Variants in LVRN observed in about 807,000 individuals in gnomAD.
LVRN encodes laeverin.
In LVRN, 99 loss-of-function variants were observed where a neutral mutation model predicts 111.4. The ratio of observed to expected loss-of-function variants is 0.89; its 90% CI spans 0.76 to 1.05. The LOEUF (loss-of-function observed/expected upper bound fraction) is 1.05. Among genes scored for constraint, LVRN ranks in the 50% least tolerant of loss-of-function variants. LVRN has a pLI of 0.00. For missense variants in LVRN, 1,414 were observed against 1,206.8 expected (o/e 1.17, Z -2.54); for synonymous variants, 488 against 449.5 (o/e 1.09, Z -1.08).
At position 115,983,294 on chromosome 5, in the gene LVRN, TTA is replaced by T; in HGVS notation, c.704_705del (p.Leu235CysfsTer17). 1 of 1,587,830 alleles carries T rather than the reference TTA, an allele frequency of 6.3e-7. No individual in the cohort carries two copies. ...CCCCAAAATGTATTTCAGGGCCCTG[TTA>T]GCGTCCCAGCTGGAACCAACATTTG... ...YTDQGERRAL[L>X]ASQLEPTFAR... On this transcript the variant is annotated frameshift_variant, in exon 2 of 20. Transcript: ENST00000357872. LOFTEE classifies it high-confidence loss of function.
intron 1 of LVRN, among the ~76,000 whole-genome samples, chr5:115,980,988 T>C (rs908492700): frequency 3.9e-5 from 6 of 152,136 alleles, no homozygotes; most frequent in Non-Finnish European, 7.4e-5. Flanking sequence ...CTACATTTCA[T>C]AGAAAATTTA....
chr5:116,021,469 T>C, intron 18 of LVRN: 1 of 172,984 alleles, frequency 5.8e-6, no homozygotes. Context: ...AGAGTTATAT[T>C]GTCCTTCACG....
At chr5:115,992,494 C>G (rs145831941) in intron 5 of LVRN, among the ~76,000 whole-genome samples, 4 of 152,250 alleles carry the variant, frequency 2.6e-5, no homozygotes, top group African/African-American at 4.8e-5. Flanking sequence ...TACAGTTTGG[C>G]TGAGGGCTGG....
chr5:115,980,508 G>A (rs993201410), intron 1 of LVRN, among the ~76,000 whole-genome samples: 1 of 152,136 alleles, frequency 6.6e-6, no homozygotes, highest in Non-Finnish European at 1.5e-5. Flanking sequence ...CTTGCTTGAT[G>A]TTTGATTTGC....
At chr5:116,016,514 T>C (rs2112636495) in intron 18 of LVRN, among the ~76,000 whole-genome samples, 1 of 152,348 alleles carries the variant, frequency 6.6e-6, no homozygotes, top group African/African-American at 2.4e-5. Context: ...ACTTAGTTTT[T>C]CTGACGCACA....
chr5:115,976,125 G>A (rs561128856), intron 1 of LVRN: 2 of 152,142 alleles, frequency 1.3e-5, no homozygotes, highest in Admixed American at 1.3e-4. Flanking sequence ...ACAGCCTCCG[G>A]GGTTTAGAGG....
intron 13 of LVRN, among the ~76,000 whole-genome samples, chr5:116,009,460 A>G (rs1748443308): frequency 6.6e-6 from 1 of 152,202 alleles, no homozygotes; most frequent in Non-Finnish European, 1.5e-5. Context: ...TTGTAAGGCT[A>G]TAGCTTCCAT....
intron 13 of LVRN, among the ~76,000 whole-genome samples, chr5:116,006,599 C>T (rs1748379917): frequency 1.3e-5 from 2 of 152,136 alleles, no homozygotes; most frequent in South Asian, 4.1e-4. Flanking sequence ...ATATGCAAAC[C>T]TGGTTCTCCT....
intron 18 of LVRN, among the ~76,000 whole-genome samples, chr5:116,020,674 A>G (rs1748708004): frequency 6.6e-6 from 1 of 152,218 alleles, no homozygotes; most frequent in Admixed American, 6.5e-5. Flanking sequence ...GGAGGGTCCA[A>G]GCACTGGGGG....
Position 116,026,272 on chromosome 5 carries a change from T to C in LVRN, c.*154T>C. ...GAGTGCCATTCTTCTCATATTGTCA[T>C]GTTTGGCCCTGAGGGTGGGTGATTG... On this transcript the variant is annotated 3_prime_UTR_variant, in exon 20 of 20. Transcript: ENST00000357872. 1.7e-6 allele frequency: 2 copies of C among 1,181,538 alleles called. No homozygotes were observed. The highest frequency in any genetic ancestry group is 2.7e-5 in the Admixed American group (1 of 37,052). 73.2% of individuals were successfully genotyped at this position (1,181,538 alleles called of 1,614,324 possible). A position where few individuals can be genotyped will look rare whatever the true frequency, so the allele number is the denominator to read the frequency against.
intron 4 of LVRN, 91 bp from the exon 5 acceptor site, chr5:115,992,032 G>C: frequency 8.1e-7 from 1 of 1,238,810 alleles, no homozygotes. Context: ...TGAATTTTTT[G>C]GTAATTTTAT....
intron 6 of LVRN, 148 bp downstream of exon 6, chr5:115,994,002 A>T (rs1465625697): frequency 1.4e-5 from 7 of 494,044 alleles, no homozygotes; most frequent in Middle Eastern, 5.5e-4. Context: ...TAGCTTTTTG[A>T]TATTTTTTTT....
At chr5:116,014,352 T>A in intron 15 of LVRN, 68 bp from the exon 16 acceptor site, 1 of 1,085,154 alleles carries the variant, frequency 9.2e-7, no homozygotes, top group Non-Finnish European at 1.4e-6. Context: ...AAACACATAT[T>A]CTTGGAGGCA....
intron 1 of LVRN, among the ~76,000 whole-genome samples, chr5:115,965,767 C>T (rs747353035): frequency 6.6e-6 from 1 of 152,042 alleles, no homozygotes; most frequent in Non-Finnish European, 1.5e-5. Context: ...GTCTTGCTGC[C>T]CTGTGAAGAA....
intron 19 of LVRN, among the ~76,000 whole-genome samples, chr5:116,024,542 A>G (rs1440577069): frequency 1.3e-5 from 2 of 152,214 alleles, no homozygotes; most frequent in African/African-American, 4.8e-5. Context: ...CAAGGGAAAG[A>G]AAAGCACATT....
chr5:116,001,125 G>A lies in LVRN; in HGVS notation c.1706G>A (p.Ser569Asn). The change falls in exon 10 of 20, where the codon AGT (serine) becomes AAT (asparagine). Residue 569 changes from serine (S) to asparagine (N), a missense_variant. Physicochemically the swap from Ser to Asn is conservative, Grantham distance 46. Transcript: ENST00000357872. ...LPATIKNIMD[S>N]WTHQSGFPVI... ...GCAACAATAAAAAACATAATGGACA[G>A]TTGGACACACCAGAGTGGTTTTCCA... 2 of 1,613,662 alleles carry A rather than the reference G, an allele frequency of 1.2e-6. No individual in the cohort carries two copies. The highest frequency in any genetic ancestry group is 2.2e-5 in the South Asian group (2 of 90,968).
chr5:115,983,611 G>A (rs532892472), intron 2 of LVRN, among the ~76,000 whole-genome samples, 182 bp downstream of exon 2: 19 of 152,300 alleles, frequency 1.2e-4, no homozygotes, highest in African/African-American at 4.1e-4. Flanking sequence ...GGTAAATCCT[G>A]ATTCCTTTGG....
intron 1 of LVRN, among the ~76,000 whole-genome samples, chr5:115,965,365 G>A (rs1253814600): frequency 1.3e-5 from 2 of 152,138 alleles, no homozygotes; most frequent in Non-Finnish European, 1.5e-5. Context: ...GAGATAGGTT[G>A]ACAACAATGT....
intron 15 of LVRN, among the ~76,000 whole-genome samples, chr5:116,013,582 T>C (rs180793239): frequency 6.6e-6 from 1 of 152,170 alleles, no homozygotes; most frequent in African/African-American, 2.4e-5. Context: ...AGTATGTAAA[T>C]GAATGCCTAG....
Sources: gnomAD v4.1 joint callset for allele counts (sites outside exome capture counted in the v4.1 genomes callset) on GRCh38, gnomAD v4.1.1 for gene constraint, MANE v1.5 for transcripts, NCBI Gene and HGNC (gene_info 2026-07-23, HGNC 2026-07-21) for gene names.